SLC24A3: variants seen among roughly 807,000 people sequenced by gnomAD.
SLC24A3 encodes the protein sodium/potassium/calcium exchanger 3.
A neutral mutation model predicts 75.8 loss-of-function variants in SLC24A3; 28 were observed. The ratio of observed to expected loss-of-function variants is 0.37; its 90% CI spans 0.27 to 0.51. The LOEUF (loss-of-function observed/expected upper bound fraction) is 0.51, where lower values mean the gene tolerates loss of function less well. SLC24A3 is among the 20% of genes least tolerant of loss of function. SLC24A3 has a pLI of 0.94. For missense variants in SLC24A3, 663 were observed against 847.8 expected (o/e 0.78, Z 2.71); for synonymous variants, 372 against 334.1 (o/e 1.11, Z -1.24).
intron 6 of SLC24A3, among the ~76,000 whole-genome samples, chr20:19,627,976 C>A (rs557174652): frequency 2.4e-4 from 37 of 151,882 alleles, no homozygotes; most frequent in African/African-American, 8.2e-4. Context: ...GGCGGGCAGA[C>A]CACGAGGACA....
chr20:19,444,098 A>T (rs1987340518), intron 2 of SLC24A3, among the ~76,000 whole-genome samples: 1 of 151,980 alleles, frequency 6.6e-6, no homozygotes, highest in Non-Finnish European at 1.5e-5. Flanking sequence ...AGTTTATATG[A>T]TTTTTCTTCT....
chr20:19,369,531 A>T (rs1389163815), intron 2 of SLC24A3, among the ~76,000 whole-genome samples: 1 of 152,218 alleles, frequency 6.6e-6, no homozygotes, highest in Non-Finnish European at 1.5e-5. Context: ...GACATTAATG[A>T]TAATGAATAA....
chr20:19,403,258 A>T (rs1986584048), intron 2 of SLC24A3, among the ~76,000 whole-genome samples: 1 of 152,208 alleles, frequency 6.6e-6, no homozygotes, highest in South Asian at 2.1e-4. Context: ...ATAGTAATGA[A>T]CTGTTATGCA....
intron 2 of SLC24A3, among the ~76,000 whole-genome samples, chr20:19,391,984 A>G (rs1319611308): frequency 6.6e-6 from 1 of 152,082 alleles, no homozygotes; most frequent in Admixed American, 6.5e-5. Flanking sequence ...GGTACAGATG[A>G]CCCTTCGCTT....
chr20:19,348,384 T>C (rs1985480971), intron 2 of SLC24A3, among the ~76,000 whole-genome samples: 1 of 152,166 alleles, frequency 6.6e-6, no homozygotes. Context: ...GGAGGTCCAT[T>C]GTCGGTTGTT....
chr20:19,518,089 C>T (rs1417191883), intron 3 of SLC24A3, among the ~76,000 whole-genome samples: 2 of 152,228 alleles, frequency 1.3e-5, no homozygotes, highest in South Asian at 2.1e-4. Flanking sequence ...TCCCCTTCAC[C>T]TTCCATGTTG....
At chr20:19,594,450 T>C (rs1475189112) in intron 6 of SLC24A3, among the ~76,000 whole-genome samples, 4 of 152,242 alleles carry the variant, frequency 2.6e-5, no homozygotes, top group African/African-American at 9.6e-5. Context: ...TAGTTATTTG[T>C]GAATTTAAAG....
At chr20:19,654,702 C>T (rs1399864705) in intron 7 of SLC24A3, among the ~76,000 whole-genome samples, 1 of 136,410 alleles carries the variant, frequency 7.3e-6, no homozygotes, top group East Asian at 2.2e-4. Context: ...GGCAGGAGTG[C>T]AGTGGAGTGA....
At chr20:19,627,833 A>C (rs977373593) in intron 6 of SLC24A3, among the ~76,000 whole-genome samples, 1 of 152,154 alleles carries the variant, frequency 6.6e-6, no homozygotes, top group South Asian at 2.1e-4. Context: ...TTCTATAAGG[A>C]GATGTATATT....
At chr20:19,632,851 T>A (rs1395293506) in intron 6 of SLC24A3, among the ~76,000 whole-genome samples, 2 of 152,180 alleles carry the variant, frequency 1.3e-5, no homozygotes, top group Non-Finnish European at 2.9e-5. Flanking sequence ...GTCCTCCAAC[T>A]CTTAGGGCTG....
chr20:19,465,204 C>T (rs1036091615), intron 2 of SLC24A3, among the ~76,000 whole-genome samples: 3 of 152,160 alleles, frequency 2.0e-5, no homozygotes, highest in Non-Finnish European at 4.4e-5. Context: ...CAGCTCTCCT[C>T]GGCTCATTTA....
rs375515877 is a variant in SLC24A3 at position 19,373,436 on chromosome 20, G to C, written c.271+92349G>C. On this transcript the variant is annotated intron_variant, in intron 2 of 16. Transcript: ENST00000328041. The stretch of plus-strand genomic sequence containing the variant: ...AGAACCCTTTTCTCTACCTTTTGGA[G>C]GTCAGAGCTGCCCACATGCTGCCTG... Among the ~76,000 whole-genome samples, 6 of 152,140 alleles carry C rather than the reference G, an allele frequency of 3.9e-5. No individual in the cohort carries two copies. The East Asian group carries it at 7.7e-4, about 20-fold the overall frequency.
At chr20:19,713,553 C>T (rs1465891785) in intron 15 of SLC24A3, among the ~76,000 whole-genome samples, 4 of 152,110 alleles carry the variant, frequency 2.6e-5, no homozygotes, top group African/African-American at 9.7e-5. Context: ...TCATCAGTTA[C>T]GTTTTAAGCA....
chr20:19,634,149 G>T (rs2031971084), intron 6 of SLC24A3, among the ~76,000 whole-genome samples: 4 of 152,164 alleles, frequency 2.6e-5, no homozygotes. Context: ...TTCAGCTTGT[G>T]CTCCATGGTA....
intron 2 of SLC24A3, among the ~76,000 whole-genome samples, chr20:19,388,636 C>T (rs186746025): frequency 9.2e-4 from 140 of 152,240 alleles, no homozygotes; most frequent in Middle Eastern, 3.4e-3. Context: ...GGTGTGAACC[C>T]GGGAGATGGA....
At chr20:19,555,492 T>C (rs2030768167) in intron 3 of SLC24A3, among the ~76,000 whole-genome samples, 1 of 152,190 alleles carries the variant, frequency 6.6e-6, no homozygotes, top group South Asian at 2.1e-4. Flanking sequence ...ATGGCTATCC[T>C]AGAATGGTAG....
chr20:19,670,923 A>G (rs1232165987), intron 8 of SLC24A3, among the ~76,000 whole-genome samples: 1 of 152,146 alleles, frequency 6.6e-6, no homozygotes, highest in Non-Finnish European at 1.5e-5. Flanking sequence ...GGCATTTTAA[A>G]TCTCTGGATA....
intron 2 of SLC24A3, among the ~76,000 whole-genome samples, chr20:19,402,358 A>T (rs1013052010): frequency 6.6e-6 from 1 of 152,162 alleles, no homozygotes; most frequent in African/African-American, 2.4e-5. Flanking sequence ...ATGAATGGAG[A>T]TATTAGAACT....
At chr20:19,232,824 A>G (rs1982060162) in intron 1 of SLC24A3, among the ~76,000 whole-genome samples, 1 of 152,224 alleles carries the variant, frequency 6.6e-6, no homozygotes, top group South Asian at 2.1e-4. Context: ...CTTCAACGTC[A>G]GCTTGTGCTT....
Sources: allele counts gnomAD v4.1 joint callset (sites outside exome capture counted in the v4.1 genomes callset), GRCh38; gene constraint gnomAD v4.1.1; transcripts MANE v1.5; gene names NCBI Gene and HGNC (gene_info 2026-07-23, HGNC 2026-07-21).